UMAD1: variants seen among roughly 807,000 people sequenced by gnomAD.
UMAD1 encodes UBAP1-MVB12-associated (UMA)-domain containing protein 1.
Under a neutral mutation model 6.1 loss-of-function variants are expected in UMAD1, and 8 were observed. The observed-to-expected ratio is 1.30, with a 90% CI of 0.76 to 2.35. UMAD1 has a LOEUF of 2.35. UMAD1 is among the 30% of genes most tolerant of loss of function. The pLI is 0.00. For missense variants in UMAD1, 130 were observed against 78.4 expected, an observed-to-expected ratio of 1.66 and a Z score of -2.49; for synonymous variants, 56 against 31.4, an observed-to-expected ratio of 1.78 and a Z score of -2.61.
intron 2 of UMAD1, among the ~76,000 whole-genome samples, chr7:7,712,503 T>C (rs1019342005): frequency 1.3e-5 from 2 of 152,202 alleles, no homozygotes; most frequent in African/African-American, 4.8e-5. Context: ...ATTTTCTGTT[T>C]GTTGCCAGCA....
At chr7:7,770,632 G>C (rs1782081821) in intron 2 of UMAD1, among the ~76,000 whole-genome samples, 1 of 152,118 alleles carries the variant, frequency 6.6e-6, no homozygotes, top group East Asian at 1.9e-4. Flanking sequence ...AAGGCATCTA[G>C]GAGGTAGGAT....
chr7:7,742,915 G>C lies in UMAD1; in HGVS notation c.83-58755G>C, dbSNP rs140790350. Among the ~76,000 whole-genome samples the C allele has an allele frequency of 1.8e-3, 268 of 152,146 alleles. 2 individuals carry two copies. Among genetic ancestry groups the C allele is most frequent in the African/African-American group, 6.3e-3 (263 of 41,484 alleles). On this transcript the variant is annotated intron_variant, in intron 2 of 3. Coordinates refer to ENST00000682710, the MANE Select transcript of UMAD1 (RefSeq NM_001302348.2). ...TATGTTCAAAATATCATCATGTTAA[G>C]GTAATAATTTTCAGTGTATTAGAAA...
At chr7:7,795,122 CT>C (rs1465720623) in intron 2 of UMAD1, among the ~76,000 whole-genome samples, 1 of 152,210 alleles carries the variant, frequency 6.6e-6, no homozygotes, top group Non-Finnish European at 1.5e-5. Flanking sequence ...TGACTTATGT[CT>C]TTGCCTGTAA....
chr7:7,642,048 A>G (rs1784985562), intron 1 of UMAD1, among the ~76,000 whole-genome samples: 2 of 152,344 alleles, frequency 1.3e-5, no homozygotes, highest in South Asian at 4.1e-4. Flanking sequence ...ATTTTATATT[A>G]CAGCTTTAAG....
At chr7:7,647,526 C>G (rs766603324) in intron 1 of UMAD1, among the ~76,000 whole-genome samples, 17 of 152,182 alleles carry the variant, frequency 1.1e-4, no homozygotes, top group African/African-American at 3.6e-4. Flanking sequence ...CTTAATATCT[C>G]AATTATCGAT....
At chr7:7,731,491 C>CCCA (rs1554321024) in intron 2 of UMAD1, among the ~76,000 whole-genome samples, 3,756 of 134,130 alleles carry the variant, frequency 0.028, 171 homozygotes, top group African/African-American at 0.069. Flanking sequence ...AACCCCCCCC[C>CCCA]AAAAAAAAAA....
intron 2 of UMAD1, among the ~76,000 whole-genome samples, chr7:7,685,301 T>C (rs4313075): frequency 0.63 from 94,652 of 150,486 alleles, 30,122 homozygotes; most frequent in East Asian, 0.87. Flanking sequence ...TATTATTGGG[T>C]TTACACATTG....
At chr7:7,870,371 A>T (rs1308604141) in intron 3 of UMAD1, among the ~76,000 whole-genome samples, 5 of 152,234 alleles carry the variant, frequency 3.3e-5, no homozygotes, top group African/African-American at 1.2e-4. Flanking sequence ...AACAGGATTC[A>T]TCACAAAAAT....
chr7:7,817,482 A>G (rs939350930), intron 3 of UMAD1, among the ~76,000 whole-genome samples: 1 of 152,224 alleles, frequency 6.6e-6, no homozygotes, highest in Non-Finnish European at 1.5e-5. Context: ...AGTAATGGGA[A>G]TATATTTGAA....
intron 2 of UMAD1, among the ~76,000 whole-genome samples, chr7:7,730,896 G>A (rs531146773): frequency 2.0e-4 from 31 of 152,310 alleles, no homozygotes. Flanking sequence ...GGCGGGAATG[G>A]TGGTGGGGCT....
chr7:7,699,125 A>G (rs1333225280), intron 2 of UMAD1, among the ~76,000 whole-genome samples: 4 of 151,896 alleles, frequency 2.6e-5, no homozygotes, highest in African/African-American at 9.7e-5. Flanking sequence ...AAGTGCTAGC[A>G]TTATAGGTGT....
intron 1 of UMAD1, among the ~76,000 whole-genome samples, chr7:7,657,795 G>T (rs897124111): frequency 1.3e-5 from 2 of 152,104 alleles, no homozygotes; most frequent in Admixed American, 1.3e-4. Flanking sequence ...GGCTATGTGG[G>T]CTCTATTTTG....
intron 2 of UMAD1, among the ~76,000 whole-genome samples, chr7:7,789,518 G>T (rs2115262298): frequency 6.6e-6 from 1 of 151,894 alleles, no homozygotes; most frequent in Middle Eastern, 3.4e-3. Context: ...AACTATTTTT[G>T]AGTATATAGT....
chr7:7,877,180 G>C, intron 3 of UMAD1, 101 bp from the exon 4 acceptor site: 1 of 628,508 alleles, frequency 1.6e-6, no homozygotes, highest in Non-Finnish European at 2.9e-6. Flanking sequence ...TATTTATATA[G>C]CCCACATTGC....
At chr7:7,729,168 G>A (rs1254384356) in intron 2 of UMAD1, among the ~76,000 whole-genome samples, 1 of 152,188 alleles carries the variant, frequency 6.6e-6, no homozygotes, top group Non-Finnish European at 1.5e-5. Context: ...TGTTTGGTGG[G>A]AGGGAACATA....
At position 7,830,964 on chromosome 7, in the gene UMAD1, C is replaced by A. The variant is rs1171658206; in HGVS notation, c.156+29221C>A. ...ATATTTTTTAATTATAAAAAATATA[C>A]CAGTCCTTAAAATATGTATTTTATT... is the stretch of plus-strand genomic sequence containing the variant. On this transcript the variant is annotated intron_variant, in intron 3 of 3. Transcript: ENST00000682710. The surrounding 1 kb of genome is among the most constrained non-coding windows in gnomAD (Gnocchi z 5.3). Among the ~76,000 whole-genome samples the A allele has an allele frequency of 6.6e-6, 1 of 151,958 alleles. No individual in the cohort carries two copies. Among genetic ancestry groups the A allele is most frequent in the Non-Finnish European group, 1.5e-5 (1 of 67,982 alleles).
intron 2 of UMAD1, among the ~76,000 whole-genome samples, chr7:7,702,318 A>G (rs762996459): frequency 3.4e-4 from 52 of 152,194 alleles, no homozygotes; most frequent in Non-Finnish European, 5.9e-4. Flanking sequence ...TATGCTTCCT[A>G]AACTGACTTT....
intron 2 of UMAD1, chr7:7,736,415 T>C (rs1024341119): frequency 6.5e-6 from 1 of 153,088 alleles, no homozygotes; most frequent in Non-Finnish European, 1.5e-5. Context: ...TAAATGACTC[T>C]TCACCTGCCG....
At chr7:7,643,328 A>G (rs1356863964) in intron 1 of UMAD1, among the ~76,000 whole-genome samples, 1 of 152,218 alleles carries the variant, frequency 6.6e-6, no homozygotes, top group African/African-American at 2.4e-5. Flanking sequence ...AACTCCCTAA[A>G]AACACTTCCC....
Sources: allele counts gnomAD v4.1 joint callset (sites outside exome capture counted in the v4.1 genomes callset), GRCh38; gene constraint gnomAD v4.1.1; non-coding constraint Gnocchi (gnomAD v3.1); transcripts MANE v1.5; gene names NCBI Gene and HGNC (gene_info 2026-07-23, HGNC 2026-07-21).